The following EIF3E variants were observed in gnomAD, a reference collection of about 807,000 sequenced individuals.
EIF3E encodes eIF-3 p48.
In EIF3E, 25 loss-of-function variants were observed where a neutral mutation model predicts 59.3. The observed-to-expected ratio is 0.42, with a 90% confidence interval of 0.31 to 0.59. EIF3E has a LOEUF of 0.59. Among genes scored for constraint, EIF3E ranks in the 20% least tolerant of loss-of-function variants. The probability of loss-of-function intolerance (pLI) is 0.15; values close to 1 mark genes in which losing one functional copy is unlikely to be tolerated. For missense variants in EIF3E, 317 were observed against 534.3 expected (o/e 0.59, Z 4.01); for synonymous variants, 176 against 170.2 (o/e 1.03, Z -0.26).
intron 7 of EIF3E, among the ~76,000 whole-genome samples, chr8:108,221,251 C>T (rs1815407450): frequency 6.6e-6 from 1 of 152,194 alleles, no homozygotes; most frequent in South Asian, 2.1e-4. Flanking sequence ...CCAGGCTCAA[C>T]TGATCCTCCT....
intron 7 of EIF3E, among the ~76,000 whole-genome samples, chr8:108,224,074 T>C (rs1303746576): frequency 6.8e-6 from 1 of 146,838 alleles, no homozygotes; most frequent in African/African-American, 2.6e-5. Context: ...AAAAAAAAAG[T>C]AGCCAGGCGT....
chr8:108,226,482 CA>C (rs1815519178), intron 7 of EIF3E, among the ~76,000 whole-genome samples: 1 of 152,302 alleles, frequency 6.6e-6, no homozygotes, highest in Admixed American at 6.5e-5. Context: ...AGGCGTAAGC[CA>C]CTGCGCCCGG....
chr8:108,226,668 G>C (rs938728228), intron 7 of EIF3E, among the ~76,000 whole-genome samples: 1 of 152,090 alleles, frequency 6.6e-6, no homozygotes, highest in Non-Finnish European at 1.5e-5. Context: ...GAGGAGGAAG[G>C]CTTTACTGGA....
chr8:108,220,205 A>C (rs1314035043), intron 7 of EIF3E, among the ~76,000 whole-genome samples: 1 of 152,214 alleles, frequency 6.6e-6, no homozygotes, highest in Non-Finnish European at 1.5e-5. Context: ...GCTGACATCA[A>C]ACACCAACTG....
chr8:108,224,532 A>C (rs1815483125), intron 7 of EIF3E, among the ~76,000 whole-genome samples: 1 of 151,546 alleles, frequency 6.6e-6, no homozygotes, highest in Non-Finnish European at 1.5e-5. Flanking sequence ...AATCAAGCAA[A>C]AATCAAAATC....
At position 108,241,835 on chromosome 8, in the gene EIF3E, C is replaced by T; in HGVS notation, c.169G>A (p.Val57Ile). The change falls in exon 2 of 13, where the codon GTA (valine) becomes ATA (isoleucine). Residue 57 changes from valine to isoleucine, a missense_variant. Around this residue, in one of 4 missense-constraint regions of EIF3E, gnomAD observed 242 missense variants for 398.0 expected, o/e 0.61. Coordinates refer to ENST00000220849, the MANE Select transcript of EIF3E (RefSeq NM_001568.3). ...DTNMVDFAMDVYKNLYSDDIP... is the reference protein window; with the variant it reads ...DTNMVDFAMDIYKNLYSDDIP... ...TCATCAGAATAAAGGTTTTTGTATA[C>T]ATCCATAGCAAAGTCTACCATGTTG... The T allele has an allele frequency of 6.3e-7, 1 of 1,597,950 alleles. No individual in the cohort carries two copies. The highest frequency in any genetic ancestry group is 8.5e-7 in the Non-Finnish European group (1 of 1,175,658).
At chr8:108,216,244 A>C (rs1815301807) in intron 9 of EIF3E, among the ~76,000 whole-genome samples, 168 bp downstream of exon 9, 1 of 152,340 alleles carries the variant, frequency 6.6e-6, no homozygotes, top group South Asian at 2.1e-4. Context: ...AAGCCATTTA[A>C]GCCATTTTAA....
At chr8:108,208,550 G>A (rs56736872) in intron 10 of EIF3E, among the ~76,000 whole-genome samples, 3,045 of 152,150 alleles carry the variant, frequency 0.02, 88 homozygotes, top group African/African-American at 0.066. Flanking sequence ...GAACCTTATT[G>A]ATAATGCAGA....
At chr8:108,212,843 T>C (rs1815238396) in intron 10 of EIF3E, among the ~76,000 whole-genome samples, 1 of 151,108 alleles carries the variant, frequency 6.6e-6, no homozygotes, top group Non-Finnish European at 1.5e-5. Context: ...ACATTATTGA[T>C]CTATGTACTC....
At chr8:108,210,810 T>A (rs1386755088) in intron 10 of EIF3E, among the ~76,000 whole-genome samples, 1 of 150,626 alleles carries the variant, frequency 6.6e-6, no homozygotes, top group South Asian at 2.1e-4. Context: ...AGTGTTCTCA[T>A]TGTTCAATTC....
At chr8:108,219,180 G>C (rs576133933) in intron 7 of EIF3E, among the ~76,000 whole-genome samples, 1 of 152,256 alleles carries the variant, frequency 6.6e-6, no homozygotes, top group East Asian at 1.9e-4. Context: ...GTTGTATAGT[G>C]TGTTCAACTC....
At chr8:108,241,448 A>AC (rs1004276589) in intron 2 of EIF3E, among the ~76,000 whole-genome samples, 52 of 152,150 alleles carry the variant, frequency 3.4e-4, no homozygotes, top group African/African-American at 1.2e-3. Flanking sequence ...AAAAAAAAAA[A>AC]CACAAAACTC....
chr8:108,229,172 A>G lies in EIF3E; in HGVS notation c.495T>C (p.Ala165=), dbSNP rs1429602107. The G allele has an allele frequency of 1.2e-6, 2 of 1,613,256 alleles. No individual in the cohort carries two copies. The highest frequency in any genetic ancestry group is 1.7e-6 in the Non-Finnish European group (2 of 1,179,590). ...RVLVPATDRN[A]LSSLWGKLAS... ...CCAGCTTTCCCCAGAGTGAACTTAA[A>G]GCATTTCTATCTGTTGCTGGAACCT... The change falls in exon 6 of 13, where the codon GCT becomes GCC. Residue 165 remains alanine (A), a synonymous_variant. Coordinates refer to ENST00000220849, the MANE Select transcript of EIF3E (RefSeq NM_001568.3).
intron 10 of EIF3E, among the ~76,000 whole-genome samples, chr8:108,212,079 G>A (rs1012782113): frequency 6.6e-6 from 1 of 152,174 alleles, no homozygotes; most frequent in Admixed American, 6.5e-5. Flanking sequence ...TAATGTCCTT[G>A]AGCTTTAAAT....
intron 1 of EIF3E, among the ~76,000 whole-genome samples, chr8:108,245,940 C>T (rs996284370): frequency 6.6e-6 from 1 of 152,096 alleles, no homozygotes; most frequent in Non-Finnish European, 1.5e-5. Flanking sequence ...GTTCCAAGAC[C>T]CCCCAGCGGC....
rs781451997 is a variant in EIF3E, at chr8:108,202,970, G to T, written c.1299+13C>A. 6.2e-7 allele frequency: 1 copy of T among 1,608,804 alleles called. No individual in the cohort carries two copies. Among genetic ancestry groups the T allele is most frequent in the Non-Finnish European group, 8.5e-7 (1 of 1,177,634 alleles). The stretch of plus-strand genomic sequence containing the variant: ...CTAAACCCCAGACAGAATAGAAGAT[G>T]TGTGGTTCTTACCTCTGACCTGCTA... On this transcript the variant is annotated intron_variant, in intron 12 of 12. Transcript: ENST00000220849.
intron 10 of EIF3E, among the ~76,000 whole-genome samples, chr8:108,212,696 G>A (rs1227757847): frequency 6.6e-6 from 1 of 152,114 alleles, no homozygotes; most frequent in East Asian, 1.9e-4. Flanking sequence ...CAGCTACTTG[G>A]GAGGCTGAGG....
intron 1 of EIF3E, among the ~76,000 whole-genome samples, chr8:108,245,395 G>C (rs1324294269): frequency 6.6e-6 from 1 of 152,188 alleles, no homozygotes; most frequent in Non-Finnish European, 1.5e-5. Flanking sequence ...CTTGAGCCCA[G>C]AAAGTCAGGG....
chr8:108,213,387 A>T (rs565715413), intron 10 of EIF3E, among the ~76,000 whole-genome samples: 2 of 152,342 alleles, frequency 1.3e-5, no homozygotes, highest in East Asian at 3.9e-4. Context: ...TACAAAGCAT[A>T]TTAGGTGCTA....
Sources: allele counts gnomAD v4.1 joint callset (sites outside exome capture counted in the v4.1 genomes callset), GRCh38; gene constraint gnomAD v4.1.1; regional missense constraint gnomAD v4.1.1; transcripts MANE v1.5; gene names NCBI Gene and HGNC (gene_info 2026-07-23, HGNC 2026-07-21).